Variants in TENM4 observed in about 807,000 individuals in gnomAD.
TENM4 encodes teneurin transmembrane protein 4, also known as teneurin-4.
TENM4 carries 82 observed loss-of-function variants against 243.3 expected under a neutral mutation model. The ratio of observed to expected loss-of-function variants is 0.34; its 90% confidence interval spans 0.28 to 0.40. The LOEUF (loss-of-function observed/expected upper bound fraction) is 0.40, where lower values mean the gene tolerates loss of function less well. Among genes scored for constraint, TENM4 ranks in the 10% least tolerant of loss-of-function variants. TENM4 has a pLI of 1.00. For synonymous variants in TENM4, 1,412 were observed against 1,456.3 expected (o/e 0.97, Z 0.69); for missense variants, 3,138 against 3,673.3 (o/e 0.85, Z 3.77).
intron 25 of TENM4, among the ~76,000 whole-genome samples, chr11:78,714,807 T>G (rs1329204410): frequency 6.6e-6 from 1 of 152,056 alleles, no homozygotes; most frequent in Non-Finnish European, 1.5e-5. Context: ...TACTCACCCT[T>G]CACCTGTCAG....
intron 6 of TENM4, among the ~76,000 whole-genome samples, chr11:78,908,159 G>A (rs560271298): frequency 2.6e-5 from 4 of 152,274 alleles, no homozygotes; most frequent in South Asian, 2.1e-4. Context: ...GGGCAGAGCC[G>A]TATGTAAGAG....
intron 19 of TENM4, among the ~76,000 whole-genome samples, chr11:78,751,918 G>C (rs1856199100): frequency 6.6e-6 from 1 of 152,190 alleles, no homozygotes; most frequent in South Asian, 2.1e-4. Context: ...ACCCTTCACT[G>C]TATTCTCCCC....
chr11:79,089,769 T>C (rs1335899472), intron 4 of TENM4, among the ~76,000 whole-genome samples: 2 of 152,202 alleles, frequency 1.3e-5, no homozygotes, highest in Non-Finnish European at 2.9e-5. Context: ...ATGACACTAA[T>C]ACACCAATAA....
chr11:78,776,131 C>T (rs779004319), intron 17 of TENM4, among the ~76,000 whole-genome samples: 7 of 152,172 alleles, frequency 4.6e-5, no homozygotes, highest in Non-Finnish European at 8.8e-5. Flanking sequence ...GTCTGCTAAT[C>T]GGTCTTCTTG....
intron 4 of TENM4, among the ~76,000 whole-genome samples, chr11:79,128,622 T>C (rs1861930364): frequency 6.6e-6 from 1 of 152,162 alleles, no homozygotes; most frequent in Non-Finnish European, 1.5e-5. Flanking sequence ...TTCTGCATGA[T>C]ATGCATGCAC....
At chr11:79,352,855 G>A (rs1334526630) in intron 1 of TENM4, among the ~76,000 whole-genome samples, 1 of 152,134 alleles carries the variant, frequency 6.6e-6, no homozygotes, top group Admixed American at 6.5e-5. Context: ...CTGTGCACCA[G>A]GCCCAAGTTC....
intron 2 of TENM4, among the ~76,000 whole-genome samples, chr11:79,218,898 T>G (rs1023126792): frequency 1.3e-5 from 2 of 152,244 alleles, no homozygotes; most frequent in African/African-American, 4.8e-5. Flanking sequence ...CATTCACATA[T>G]TCACTCATTC....
At chr11:78,888,830 C>A (rs1195638069) in intron 9 of TENM4, among the ~76,000 whole-genome samples, 1 of 152,194 alleles carries the variant, frequency 6.6e-6, no homozygotes, top group Non-Finnish European at 1.5e-5. Context: ...GGTTCGAGGC[C>A]TTCTCAAGCT....
At chr11:79,223,885 G>A (rs1864209390) in intron 2 of TENM4, among the ~76,000 whole-genome samples, 1 of 152,172 alleles carries the variant, frequency 6.6e-6, no homozygotes, top group Admixed American at 6.5e-5. Context: ...AATTATTTCT[G>A]GCTCTCTACT....
At chr11:79,161,940 C>G (rs1480267694) in intron 3 of TENM4, among the ~76,000 whole-genome samples, 1 of 152,170 alleles carries the variant, frequency 6.6e-6, no homozygotes, top group Non-Finnish European at 1.5e-5. Context: ...TATCATTACC[C>G]CCAGTTACAA....
At chr11:79,298,290 T>A (rs996869018) in intron 1 of TENM4, among the ~76,000 whole-genome samples, 1 of 150,918 alleles carries the variant, frequency 6.6e-6, no homozygotes, top group Non-Finnish European at 1.5e-5. Context: ...CCGAGGCGGG[T>A]GGATCATGAG....
Position 78,669,389 on chromosome 11 carries a change from T to A in TENM4, c.6956A>T (p.Asn2319Ile). 1 of 1,613,592 alleles carries A rather than the reference T, an allele frequency of 6.2e-7. No homozygotes were observed. The highest frequency in any genetic ancestry group is 8.5e-7 in the Non-Finnish European group (1 of 1,179,736). ...HLQFFYADLT[N>I]PTKVTHLYNH... Reference sequence around the variant, plus strand: ...GTACAGGTGGGTGACCTTGGTGGGGTTGGTCAGGTCTGCATAGAAGAACTG... The same window carrying A: ...GTACAGGTGGGTGACCTTGGTGGGGATGGTCAGGTCTGCATAGAAGAACTG... The change falls in exon 32 of 34, where the codon AAC (asparagine) becomes ATC (isoleucine). Residue 2319 changes from asparagine to isoleucine, a missense_variant. Transcript: ENST00000278550. This position sits in a 1 kb window ranked among gnomAD's most constrained non-coding sequence, Gnocchi z 6.4.
chr11:78,687,996 T>C, intron 29 of TENM4, 58 bp downstream of exon 29: 1 of 1,572,930 alleles, frequency 6.4e-7, no homozygotes, highest in East Asian at 2.3e-5. Context: ...GCCATCCTCC[T>C]CCAAAGGGGT....
chr11:78,912,644 A>C (rs1212273626), intron 6 of TENM4, among the ~76,000 whole-genome samples: 1 of 152,230 alleles, frequency 6.6e-6, no homozygotes, highest in Non-Finnish European at 1.5e-5. Flanking sequence ...TTCCTCAACC[A>C]TCAGTGAATG....
At chr11:79,026,469 C>G (rs1253173761) in intron 6 of TENM4, among the ~76,000 whole-genome samples, 1 of 152,106 alleles carries the variant, frequency 6.6e-6, no homozygotes, top group Non-Finnish European at 1.5e-5. Flanking sequence ...TATTTTCTAC[C>G]AAAGGCATCT....
At chr11:78,912,839 G>A (rs918934555) in intron 6 of TENM4, among the ~76,000 whole-genome samples, 3 of 152,316 alleles carry the variant, frequency 2.0e-5, no homozygotes, top group African/African-American at 7.2e-5. Flanking sequence ...TAAGCATGGG[G>A]CTTGCATAAT....
chr11:78,896,824 C>A (rs188808852), intron 7 of TENM4, among the ~76,000 whole-genome samples: 3 of 152,066 alleles, frequency 2.0e-5, no homozygotes, highest in Non-Finnish European at 4.4e-5. Flanking sequence ...GGCTGTGGGA[C>A]CTGAGGCAAG....
In TENM4 at chr11:78,726,157, G is replaced by A. The variant is rs1855506512; in HGVS notation, c.3472C>T (p.Leu1158=). The change falls in exon 23 of 34, where the codon CTG becomes TTG. Residue 1158 remains leucine, a synonymous_variant. Coordinates refer to ENST00000278550, the MANE Select transcript of TENM4 (RefSeq NM_001098816.3). ...LILWEKRTTV[L]QGYEIDASKL... is the part of the protein sequence containing the mutation. ...GACGCGTCAATTTCATAGCCCTGCAGCACTGTTGTTCTTTTTTCCCACAGG... is the reference window on the plus strand; with the variant it reads ...GACGCGTCAATTTCATAGCCCTGCAACACTGTTGTTCTTTTTTCCCACAGG... 6.2e-7 allele frequency: 1 copy of A among 1,613,876 alleles called. No individual in the cohort carries two copies. The highest frequency in any genetic ancestry group is 1.1e-5 in the South Asian group (1 of 91,086).
intron 6 of TENM4, among the ~76,000 whole-genome samples, chr11:79,031,511 T>A (rs758191105): frequency 6.6e-6 from 1 of 152,076 alleles, no homozygotes; most frequent in East Asian, 1.9e-4. Context: ...AGAAGGGCAA[T>A]CAGTGGTAGG....
Sources: allele counts gnomAD v4.1 joint callset (sites outside exome capture counted in the v4.1 genomes callset), GRCh38; gene constraint gnomAD v4.1.1; non-coding constraint Gnocchi (gnomAD v3.1); transcripts MANE v1.5; gene names NCBI Gene and HGNC (gene_info 2026-07-23, HGNC 2026-07-21).